ANP32E: variants seen among roughly 807,000 people sequenced by gnomAD.
ANP32E encodes the protein acidic leucine-rich nuclear phosphoprotein 32 family member E.
In ANP32E, 14 loss-of-function variants were observed where a neutral mutation model predicts 35.3. The ratio of observed to expected loss-of-function variants is 0.40; its 90% CI spans 0.26 to 0.62. The LOEUF (loss-of-function observed/expected upper bound fraction) is 0.62. Among genes scored for constraint, ANP32E ranks in the 20% least tolerant of loss-of-function variants. ANP32E has a pLI of 0.45. For synonymous variants in ANP32E, 89 were observed against 110.4 expected, an observed-to-expected ratio of 0.81 and a Z score of 1.22; for missense variants, 198 against 304.4, an observed-to-expected ratio of 0.65 and a Z score of 2.60.
chr1:150,228,126 T>C lies in ANP32E; in HGVS notation c.493+946A>G, dbSNP rs187294055. On this transcript the variant is annotated intron_variant, in intron 4 of 6. Transcript: ENST00000583931. ...TTTGTTTGCTTTTTTGTTTTGTTTT[T>C]GAGACAGAGTCTAACTCTGTCGCCC... Among the ~76,000 whole-genome samples the C allele has an allele frequency of 1.5e-4, 23 of 151,814 alleles. No individual in the cohort carries two copies. In the East Asian group the frequency reaches 4.5e-3, roughly 30 times the overall value.
At chr1:150,233,922 T>C (rs1649567875) in intron 1 of ANP32E, among the ~76,000 whole-genome samples, 1 of 152,036 alleles carries the variant, frequency 6.6e-6, no homozygotes, top group African/African-American at 2.4e-5. Flanking sequence ...TGGGGGCTAC[T>C]AGATTTGGTG....
Position 150,220,554 on chromosome 1 carries a change from A to C in ANP32E, c.*137T>G. On this transcript the variant is annotated 3_prime_UTR_variant, in exon 7 of 7. Coordinates refer to ENST00000583931, the MANE Select transcript of ANP32E (RefSeq NM_030920.5). Reference sequence around the variant, plus strand: ...GTTCTTATTTGGAATGATAAGGCAAAAATAGTAAAACCACACTTTTCCTAT... The same window carrying C: ...GTTCTTATTTGGAATGATAAGGCAACAATAGTAAAACCACACTTTTCCTAT... 1.2e-6 allele frequency: 1 copy of C among 829,436 alleles called. No homozygotes were observed. Among genetic ancestry groups the C allele is most frequent in the Non-Finnish European group, 1.9e-6 (1 of 524,006 alleles). The allele number at this position is 829,436 out of a possible 1,614,324, so 51.4% of individuals were successfully genotyped here.
rs1185497828 is a variant in ANP32E, at chr1:150,220,708, C to G, written c.790G>C (p.Glu264Gln). Residue 264 changes from glutamate to glutamine, a missense_variant, in exon 7 of 7, where the codon GAG becomes CAG. This residue lies in a region of ANP32E where 121 missense variants were observed against 137.3 expected (regional missense o/e 0.88). Coordinates refer to ENST00000583931, the MANE Select transcript of ANP32E (RefSeq NM_030920.5). ...AGAATGATCTAGTCATCTTCTTCCT[C>G]TCCATCGTCTTCAGCATCTCGTTTC... ...KRKRDAEDDG[E>Q]EEDD The G allele has an allele frequency of 6.2e-7, 1 of 1,613,920 alleles. No homozygotes were observed. The highest frequency in any genetic ancestry group is 8.5e-7 in the Non-Finnish European group (1 of 1,179,946).
At chr1:150,223,863 G>C (rs989699332) in intron 5 of ANP32E, among the ~76,000 whole-genome samples, 4 of 150,650 alleles carry the variant, frequency 2.7e-5, no homozygotes, top group African/African-American at 9.8e-5. Context: ...CTCCTGCCTC[G>C]GCCTCCCGAT....
At chr1:150,231,314 A>G (rs7548543) in intron 2 of ANP32E, among the ~76,000 whole-genome samples, 82,276 of 152,018 alleles carry the variant, frequency 0.54, 24,805 homozygotes, top group African/African-American at 0.83. Context: ...ACATTTCTAG[A>G]CCGGGCACAG....
At chr1:150,232,138 A>G (rs1327444315) in intron 1 of ANP32E, among the ~76,000 whole-genome samples, 1 of 151,646 alleles carries the variant, frequency 6.6e-6, no homozygotes, top group African/African-American at 2.4e-5. Flanking sequence ...AGGTCAGGAG[A>G]TCGAGACCAT....
chr1:150,226,027 A>G (rs1353451346), intron 5 of ANP32E, among the ~76,000 whole-genome samples: 2 of 132,648 alleles, frequency 1.5e-5, no homozygotes, highest in African/African-American at 2.8e-5. Flanking sequence ...TTTTTTTGAG[A>G]CAGAGTCTTG....
chr1:150,235,759 C>T lies in ANP32E; in HGVS notation c.28G>A (p.Glu10Lys), dbSNP rs782167009. Residue 10 changes from glutamate to lysine, a missense_variant, in exon 1 of 7, where the codon GAG becomes AAG. Coordinates refer to ENST00000583931, the MANE Select transcript of ANP32E (RefSeq NM_030920.5). The surrounding 1 kb of genome is among the most constrained non-coding windows in gnomAD (Gnocchi z 4.2). Reference sequence around the variant, plus strand: ...TCCTCCGGGGATCTGTTCCTTAACTCCAGGTTAATCTTCTTCTTCATCTCC... The same window carrying T: ...TCCTCCGGGGATCTGTTCCTTAACTTCAGGTTAATCTTCTTCTTCATCTCC... MEMKKKINL[E>K]LRNRSPEEVT... 1 of 1,610,568 alleles carries T rather than the reference C, an allele frequency of 6.2e-7. No homozygotes were observed. Among genetic ancestry groups the T allele is most frequent in the South Asian group, 1.1e-5 (1 of 90,488 alleles).
intron 1 of ANP32E, among the ~76,000 whole-genome samples, chr1:150,232,596 G>A (rs1454906507): frequency 6.6e-6 from 1 of 150,924 alleles, no homozygotes; most frequent in Non-Finnish European, 1.5e-5. Context: ...TCAGCCTCTG[G>A]AGTAGCTGGG....
chr1:150,229,298 C>CTTTTTTTTTTTTTTTTTTTTTTTTTTTT (rs368884324), intron 3 of ANP32E, 61 bp from the exon 4 acceptor site: 2 of 393,210 alleles, frequency 5.1e-6, no homozygotes, highest in Non-Finnish European at 7.9e-6. Flanking sequence ...TTTCTTTTTT[C>CTTTTTTTTTTTTTTTTTTTTTTTTTTTT]TTTTTTTTTT....
In ANP32E at chr1:150,235,371, T is replaced by G. The variant is rs1482142956; in HGVS notation, c.54+362A>C. ...GGCTGCGGCAGGGGCTGAGTGGGAC[T>G]GGGGGGTCGCGCCCACGCCGCCGGC... is the stretch of plus-strand genomic sequence containing the variant. On this transcript the variant is annotated intron_variant, in intron 1 of 6. Transcript: ENST00000583931. This position sits in a 1 kb window ranked among gnomAD's most constrained non-coding sequence, Gnocchi z 4.2. 6.6e-6 allele frequency among the ~76,000 whole-genome samples: 1 copy of G among 152,124 alleles called. No individual in the cohort carries two copies. The highest frequency in any genetic ancestry group is 1.5e-5 in the Non-Finnish European group (1 of 67,982).
Position 150,230,720 on chromosome 1 carries a change from A to T in ANP32E, c.205-27T>A, listed in dbSNP as rs782137822. 7 of 1,589,848 alleles carry T rather than the reference A, an allele frequency of 4.4e-6. No individual in the cohort carries two copies. The East Asian group carries it at 1.3e-4, about 31-fold the overall frequency. On this transcript the variant is annotated intron_variant, in intron 2 of 6. Coordinates refer to ENST00000583931, the MANE Select transcript of ANP32E (RefSeq NM_030920.5). ...TATACATTCAACAAAGGAAAAAACA[A>T]AGAATGGTAAAGGTATCATATCAAA... is the stretch of plus-strand genomic sequence containing the variant.
intron 6 of ANP32E, 121 bp from the exon 7 acceptor site, chr1:150,220,882 C>A: frequency 1.3e-6 from 1 of 774,848 alleles, no homozygotes; most frequent in African/African-American, 1.7e-5. Context: ...CACCTGTAAT[C>A]CCAGCACTTT....
At chr1:150,230,405 C>T (rs1212658295) in intron 3 of ANP32E, among the ~76,000 whole-genome samples, 166 bp downstream of exon 3, 1 of 152,076 alleles carries the variant, frequency 6.6e-6, no homozygotes, top group Non-Finnish European at 1.5e-5. Context: ...TTTAAAAATT[C>T]ATCTGAATAT....
chr1:150,225,583 A>G (rs1389601514), intron 5 of ANP32E, among the ~76,000 whole-genome samples: 1 of 135,830 alleles, frequency 7.4e-6, no homozygotes, highest in Non-Finnish European at 1.5e-5. Flanking sequence ...AGGTGAGAGG[A>G]TTGCTTGAGC....
intron 6 of ANP32E, 101 bp from the exon 7 acceptor site, chr1:150,220,862 C>T (rs1648291730): frequency 5.2e-6 from 5 of 966,698 alleles, no homozygotes; most frequent in Admixed American, 1.8e-5. Context: ...AGGCCTAGCA[C>T]GGTGGCTCAC....
intron 6 of ANP32E, among the ~76,000 whole-genome samples, chr1:150,221,696 T>A (rs1553838098): frequency 1.3e-5 from 2 of 152,122 alleles, no homozygotes; most frequent in Non-Finnish European, 2.9e-5. Flanking sequence ...CTTAACAGGC[T>A]TAGAAATCCA....
chr1:150,223,188 T>C lies in ANP32E; in HGVS notation c.734A>G (p.Glu245Gly). Reference sequence around the variant, plus strand: ...TGTTTATGGCTAATGTAACTCACCCTCTTCTTCCTCTTCTTCCCCTTCTTC... The same window carrying C: ...TGTTTATGGCTAATGTAACTCACCCCCTTCTTCCTCTTCTTCCCCTTCTTC... ...YVEEGEEEEE[E>G]EEGGLRGEKR... The change falls in exon 6 of 7, where the codon GAG becomes GGG. Residue 245 changes from glutamate (E) to glycine (G), a missense_variant and splice_region_variant. This residue lies in a region of ANP32E where 121 missense variants were observed against 137.3 expected (regional missense o/e 0.88). Transcript: ENST00000583931. 6.6e-7 allele frequency: 1 copy of C among 1,512,038 alleles called. No individual in the cohort carries two copies. The highest frequency in any genetic ancestry group is 2.0e-5 in the Admixed American group (1 of 51,260). The allele number at this position is 1,512,038 out of a possible 1,614,324, so 93.7% of individuals were successfully genotyped here.
rs114271155 is a variant in ANP32E, at chr1:150,235,066, T to C, written c.54+667A>G. ...AGCGGATTACGCCTCCCGTCCCCTC[T>C]CCACCTCCGGTCACTGCGACGAGTC... On this transcript the variant is annotated intron_variant, in intron 1 of 6. Transcript: ENST00000583931. This position sits in a 1 kb window ranked among gnomAD's most constrained non-coding sequence, Gnocchi z 4.2. 0.021 allele frequency among the ~76,000 whole-genome samples: 3,243 copies of C among 152,256 alleles called. 131 individuals are homozygous for C. Among genetic ancestry groups the C allele is most frequent in the African/African-American group, 0.072 (2,974 of 41,544 alleles).
Sources: gnomAD v4.1 joint callset for allele counts (sites outside exome capture counted in the v4.1 genomes callset) on GRCh38, gnomAD v4.1.1 for gene constraint, gnomAD v4.1.1 regional missense constraint, Gnocchi (gnomAD v3.1) non-coding constraint, MANE v1.5 for transcripts, NCBI Gene and HGNC (gene_info 2026-07-23, HGNC 2026-07-21) for gene names.